The following FGGY variants were observed in gnomAD, a reference collection of about 807,000 sequenced individuals.
FGGY encodes FGGY carbohydrate kinase domain-containing protein.
In FGGY, 72 loss-of-function variants were observed where a neutral mutation model predicts 71.3. The ratio of observed to expected loss-of-function variants is 1.01; its 90% CI spans 0.84 to 1.23. FGGY has a LOEUF of 1.23. FGGY is among the 50% of genes most tolerant of loss of function. The pLI, the probability that FGGY is intolerant of heterozygous loss-of-function variation, is 0.00. For synonymous variants in FGGY, 251 were observed against 250.3 expected (o/e 1.00, Z -0.02); for missense variants, 668 against 682.3 (o/e 0.98, Z 0.23).
chr1:59,621,641 G>A lies in FGGY; in HGVS notation c.1012-4347G>A, dbSNP rs532090725. Among the ~76,000 whole-genome samples, 5 of 151,532 alleles carry A rather than the reference G, an allele frequency of 3.3e-5. No homozygotes were observed. The South Asian group carries it at 1.0e-3, about 32-fold the overall frequency. On this transcript the variant is annotated intron_variant, in intron 9 of 15. Transcript: ENST00000303721. ...TTTTTTTCCATCAGCACCTTAAAATGTTAGTATTTTCTATTCTGACATTAT... is the reference window on the plus strand; with the variant it reads ...TTTTTTTCCATCAGCACCTTAAAATATTAGTATTTTCTATTCTGACATTAT...
At chr1:59,384,080 C>T (rs1254422618) in intron 5 of FGGY, among the ~76,000 whole-genome samples, 1 of 152,186 alleles carries the variant, frequency 6.6e-6, no homozygotes, top group Admixed American at 6.5e-5. Flanking sequence ...CTAGCCTTGC[C>T]TTTGACAATC....
intron 14 of FGGY, among the ~76,000 whole-genome samples, chr1:59,707,286 A>G (rs1415900501): frequency 6.6e-6 from 1 of 152,246 alleles, no homozygotes; most frequent in East Asian, 1.9e-4. Context: ...ATAGCTAAAA[A>G]GTAGAAAAAC....
chr1:59,720,240 T>G (rs1271398409), intron 14 of FGGY, among the ~76,000 whole-genome samples: 1 of 152,196 alleles, frequency 6.6e-6, no homozygotes, highest in Non-Finnish European at 1.5e-5. Flanking sequence ...CTTTGCAAGT[T>G]ATTTTGTTTT....
chr1:59,748,791 C>T (rs1336742269), intron 14 of FGGY, among the ~76,000 whole-genome samples: 3 of 152,252 alleles, frequency 2.0e-5, no homozygotes, highest in Admixed American at 2.0e-4. Context: ...AAGGACTTCA[C>T]TTTTATGGAG....
At chr1:59,706,829 C>T (rs1477408285) in intron 14 of FGGY, among the ~76,000 whole-genome samples, 1 of 152,176 alleles carries the variant, frequency 6.6e-6, no homozygotes, top group East Asian at 1.9e-4. Flanking sequence ...ATGGTGCCTA[C>T]CTCTAGGTTC....
At chr1:59,745,794 C>T (rs1207935) in intron 14 of FGGY, among the ~76,000 whole-genome samples, 20,098 of 152,082 alleles carry the variant, frequency 0.13, 3,581 homozygotes, top group African/African-American at 0.4. Flanking sequence ...AGACAGGGCA[C>T]ATGAATTGAA....
At chr1:59,590,468 T>G (rs78016589) in intron 8 of FGGY, among the ~76,000 whole-genome samples, 26,059 of 152,056 alleles carry the variant, frequency 0.17, 2,640 homozygotes, top group South Asian at 0.35. Context: ...TACCAAAGCC[T>G]GGCAGAGACA....
intron 9 of FGGY, among the ~76,000 whole-genome samples, chr1:59,610,834 G>A (rs1278466584): frequency 6.6e-6 from 1 of 152,232 alleles, no homozygotes; most frequent in African/African-American, 2.4e-5. Context: ...CTTTTACAAT[G>A]GTCTTAGCAA....
chr1:59,605,175 TC>T (rs2096612257), intron 8 of FGGY, among the ~76,000 whole-genome samples: 1 of 152,226 alleles, frequency 6.6e-6, no homozygotes, highest in East Asian at 1.9e-4. Context: ...ATTAGGTACC[TC>T]CCTTGTGTGC....
At chr1:59,618,087 G>C (rs532235762) in intron 9 of FGGY, among the ~76,000 whole-genome samples, 1 of 152,190 alleles carries the variant, frequency 6.6e-6, no homozygotes, top group South Asian at 2.1e-4. Flanking sequence ...GATTTCCTGA[G>C]TGATTCCACT....
intron 5 of FGGY, among the ~76,000 whole-genome samples, chr1:59,446,857 G>A (rs531092091): frequency 6.6e-6 from 1 of 152,308 alleles, no homozygotes; most frequent in South Asian, 2.1e-4. Flanking sequence ...TGTCAGTACA[G>A]TGAGCTGCGT....
chr1:59,741,112 G>T (rs1002021117), intron 14 of FGGY, among the ~76,000 whole-genome samples: 7 of 152,178 alleles, frequency 4.6e-5, no homozygotes, highest in African/African-American at 1.7e-4. Context: ...GTTGGACAGT[G>T]CTGCTGTAAA....
At chr1:59,650,332 C>T (rs1352673243) in intron 11 of FGGY, among the ~76,000 whole-genome samples, 2 of 135,276 alleles carry the variant, frequency 1.5e-5, no homozygotes, top group African/African-American at 6.7e-5. Flanking sequence ...ATGGCACCAG[C>T]TCCTCTTTGT....
chr1:59,391,963 G>A lies in FGGY; in HGVS notation c.554+13126G>A, dbSNP rs540820785. ...GAACTGTGAAGATGCTAGAGAGTTA[G>A]ATCTCGTGTTTCAGGGAACAGAACT... On this transcript the variant is annotated intron_variant, in intron 5 of 15. Transcript: ENST00000303721. 1.5e-4 allele frequency among the ~76,000 whole-genome samples: 23 copies of A among 152,184 alleles called. No homozygotes were observed. In the South Asian group the frequency reaches 4.8e-3, roughly 32 times the overall value.
chr1:59,610,514 A>G (rs1375171909), intron 9 of FGGY, among the ~76,000 whole-genome samples: 1 of 152,192 alleles, frequency 6.6e-6, no homozygotes, highest in Non-Finnish European at 1.5e-5. Flanking sequence ...TGTCTTTGCT[A>G]TTGTAAATAG....
At chr1:59,610,895 C>A (rs997797013) in intron 9 of FGGY, among the ~76,000 whole-genome samples, 9 of 152,230 alleles carry the variant, frequency 5.9e-5, no homozygotes, top group Admixed American at 3.3e-4. Flanking sequence ...GGTCCCACGC[C>A]CACAGAGCCT....
chr1:59,590,393 A>G (rs576568477), intron 8 of FGGY, among the ~76,000 whole-genome samples: 2 of 152,338 alleles, frequency 1.3e-5, no homozygotes, highest in Admixed American at 1.3e-4. Flanking sequence ...TTCTGAAACT[A>G]TTCCAATCAA....
chr1:59,397,227 G>T (rs1408837267), intron 5 of FGGY, among the ~76,000 whole-genome samples: 1 of 152,134 alleles, frequency 6.6e-6, no homozygotes, highest in Non-Finnish European at 1.5e-5. Context: ...TTGCATTTCT[G>T]TGATATTTGA....
intron 5 of FGGY, among the ~76,000 whole-genome samples, chr1:59,397,414 G>A (rs1160299558): frequency 1.3e-5 from 2 of 152,196 alleles, no homozygotes; most frequent in Admixed American, 6.5e-5. Context: ...CTGAATAACA[G>A]CCACAGAAAC....
Sources: gnomAD v4.1 joint callset for allele counts (sites outside exome capture counted in the v4.1 genomes callset) on GRCh38, gnomAD v4.1.1 for gene constraint, MANE v1.5 for transcripts, NCBI Gene and HGNC (gene_info 2026-07-23, HGNC 2026-07-21) for gene names.